TMPRSS9: variants seen among roughly 807,000 people sequenced by gnomAD.
The protein encoded by TMPRSS9 is transmembrane protease serine 9.
TMPRSS9 carries 113 observed loss-of-function variants against 111.4 expected under a neutral mutation model. The ratio of observed to expected loss-of-function variants is 1.01; its 90% CI spans 0.87 to 1.19. The LOEUF is 1.19. Among genes scored for constraint, TMPRSS9 ranks in the 50% most tolerant of loss-of-function variants. The pLI is 0.00. For synonymous variants in TMPRSS9, 805 were observed against 659.1 expected, an observed-to-expected ratio of 1.22 and a Z score of -3.39; for missense variants, 1,803 against 1,513.1, an observed-to-expected ratio of 1.19 and a Z score of -3.18.
chr19:2,385,865 A>G (rs571166526), upstream of TMPRSS9, among the ~76,000 whole-genome samples: 20 of 152,142 alleles, frequency 1.3e-4, no homozygotes, highest in Admixed American at 3.9e-4. Flanking sequence ...AAATAAAAAA[A>G]GATTACGTAT....
intron 1 of TMPRSS9, among the ~76,000 whole-genome samples, chr19:2,395,736 G>A (rs1032498630): frequency 8.6e-5 from 13 of 151,818 alleles, no homozygotes; most frequent in Non-Finnish European, 1.6e-4. Flanking sequence ...GGCCGGGTGT[G>A]GTGGCTCACG....
At chr19:2,418,249 C>T (rs60620402) in intron 13 of TMPRSS9, 111 bp downstream of exon 14, 11,737 of 854,928 alleles carry the variant, frequency 0.014, 605 homozygotes, top group African/African-American at 0.13. Flanking sequence ...TTTCCTTCCC[C>T]CCCTCCTTCC....
At chr19:2,386,203 G>A (rs1163727353), upstream of TMPRSS9, among the ~76,000 whole-genome samples, 2 of 152,176 alleles carry the variant, frequency 1.3e-5, no homozygotes, top group Non-Finnish European at 2.9e-5. Context: ...TCCTGCCGCG[G>A]CCTCTTAAGG....
chr19:2,368,934 G>A (rs1344784222), intron 1 of TMPRSS9, among the ~76,000 whole-genome samples: 1 of 149,514 alleles, frequency 6.7e-6, no homozygotes, highest in Non-Finnish European at 1.5e-5. Flanking sequence ...ACAGGTGTAC[G>A]CCACCATGCC....
At chr19:2,413,748 T>G in exon 10 of TMPRSS9, 1 of 1,613,862 alleles carries the variant, frequency 6.2e-7, no homozygotes, top group African/African-American at 1.3e-5. Context: ...TGGCCGGTTC[T>G]TTCTGGCTGG....
intron 13 of TMPRSS9, among the ~76,000 whole-genome samples, chr19:2,419,480 G>A (rs147530678): frequency 6.7e-6 from 1 of 150,162 alleles, no homozygotes; most frequent in East Asian, 2.0e-4. Flanking sequence ...AGGATTACAG[G>A]CGTGAGCCAC....
intron 1 of TMPRSS9, among the ~76,000 whole-genome samples, chr19:2,384,418 G>A (rs1970429057): frequency 1.3e-5 from 2 of 152,194 alleles, no homozygotes; most frequent in African/African-American, 4.8e-5. Flanking sequence ...GCTCCCGCCT[G>A]TAATCCCAGC....
chr19:2,380,708 G>C (rs1264443084), intron 1 of TMPRSS9, among the ~76,000 whole-genome samples: 4 of 152,064 alleles, frequency 2.6e-5, no homozygotes, highest in African/African-American at 7.2e-5. Context: ...AGAAGGCCCA[G>C]CTAAACCCTG....
intron 1 of TMPRSS9, among the ~76,000 whole-genome samples, chr19:2,376,756 C>T (rs1970338367): frequency 6.6e-6 from 1 of 152,094 alleles, no homozygotes; most frequent in African/African-American, 2.4e-5. Flanking sequence ...TGTGTCCAGC[C>T]CCAAGATGCA....
intron 1 of TMPRSS9, among the ~76,000 whole-genome samples, chr19:2,361,064 C>G (rs1970192047): frequency 6.9e-6 from 1 of 145,916 alleles, no homozygotes; most frequent in Non-Finnish European, 1.5e-5. Context: ...TCACCTAAAG[C>G]AAGAACCAAG....
At chr19:2,421,751 C>T (rs1971466342) in intron 13 of TMPRSS9, 103 bp from the exon 15 acceptor site, 15 of 1,348,074 alleles carry the variant, frequency 1.1e-5, no homozygotes, top group Non-Finnish European at 1.5e-5. Flanking sequence ...CTGCCCCCCG[C>T]CCTCGATGGC....
intron 1 of TMPRSS9, among the ~76,000 whole-genome samples, chr19:2,381,414 C>T (rs1009998556): frequency 4.6e-5 from 7 of 151,290 alleles, no homozygotes; most frequent in African/African-American, 1.7e-4. Context: ...TGTGCCTTTC[C>T]AGCTCTAATC....
At chr19:2,385,025 C>T (rs1970447016), upstream of TMPRSS9, among the ~76,000 whole-genome samples, 1 of 150,632 alleles carries the variant, frequency 6.6e-6, no homozygotes, top group Non-Finnish European at 1.5e-5. Flanking sequence ...CGGTGGCCTA[C>T]ACCTGTAATC....
At chr19:2,422,712 C>A (rs1426709901) in intron 14 of TMPRSS9, among the ~76,000 whole-genome samples, 1 of 152,076 alleles carries the variant, frequency 6.6e-6, no homozygotes, top group East Asian at 1.9e-4. Flanking sequence ...ATGGTGAAAC[C>A]CCATCTCTAC....
At chr19:2,379,763 C>A (rs986526177) in intron 1 of TMPRSS9, among the ~76,000 whole-genome samples, 11 of 134,954 alleles carry the variant, frequency 8.2e-5, no homozygotes, top group African/African-American at 4.0e-4. Flanking sequence ...TCTCTCTTTT[C>A]TCTCTTTCTT....
exon 16 of TMPRSS9, chr19:2,425,033 C>G (rs1027696771): frequency 6.5e-7 from 1 of 1,549,904 alleles, no homozygotes; most frequent in African/African-American, 1.4e-5. Flanking sequence ...GGCGGCCTTC[C>G]TAGGCACGCC....
At chr19:2,426,199 TGG>T in exon 18 of TMPRSS9, 1 of 832,680 alleles carries the variant, frequency 1.2e-6, no homozygotes, top group Non-Finnish European at 1.6e-6. Context: ...GGGGGGGCTG[TGG>T]GTCATGGGGA....
chr19:2,371,321 G>T (rs956973920), intron 1 of TMPRSS9, among the ~76,000 whole-genome samples: 2 of 152,256 alleles, frequency 1.3e-5, no homozygotes, highest in South Asian at 2.1e-4. Context: ...GCCCCCACAC[G>T]GCTCCAGATG....
intron 15 of TMPRSS9, among the ~76,000 whole-genome samples, chr19:2,424,543 C>CG (rs1491176712): frequency 6.8e-6 from 1 of 146,460 alleles, no homozygotes; most frequent in Non-Finnish European, 1.5e-5. Context: ...GGCCCCCCCC[C>CG]TCCAGCTCCA....
Sources: allele counts gnomAD v4.1 joint callset (sites outside exome capture counted in the v4.1 genomes callset), GRCh38; gene constraint gnomAD v4.1.1; transcripts MANE v1.5; gene names NCBI Gene and HGNC (gene_info 2026-07-23, HGNC 2026-07-21).